CTIF: variants seen among roughly 807,000 people sequenced by gnomAD.
CTIF encodes the protein CBP80/20-dependent translation initiation factor.
In CTIF, 21 loss-of-function variants were observed where a neutral mutation model predicts 66.0. The observed-to-expected ratio is 0.32, with a 90% CI of 0.23 to 0.46. The LOEUF (loss-of-function observed/expected upper bound fraction) is 0.46. CTIF is among the 20% of genes least tolerant of loss of function. The probability of loss-of-function intolerance (pLI) is 1.00; values close to 1 mark genes in which losing one functional copy is unlikely to be tolerated. For synonymous variants in CTIF, 345 were observed against 326.4 expected (o/e 1.06, Z -0.62); for missense variants, 739 against 812.7 (o/e 0.91, Z 1.10).
chr18:48,815,182 G>A (rs1349672355), intron 9 of CTIF, among the ~76,000 whole-genome samples: 1 of 152,198 alleles, frequency 6.6e-6, no homozygotes. Context: ...CCTTTTTACT[G>A]CCTATATGTA....
chr18:48,711,274 C>T (rs750007683), intron 6 of CTIF, among the ~76,000 whole-genome samples: 1 of 152,172 alleles, frequency 6.6e-6, no homozygotes, highest in Non-Finnish European at 1.5e-5. Context: ...AGAACCTGGC[C>T]CCAGCTCTGT....
chr18:48,783,416 A>AG (rs754110669), intron 9 of CTIF, among the ~76,000 whole-genome samples: 23 of 152,062 alleles, frequency 1.5e-4, no homozygotes, highest in Admixed American at 6.5e-4. Flanking sequence ...AAAAAAAAAA[A>AG]TGCTTAGCAA....
chr18:48,814,015 CCT>C (rs544231785), intron 9 of CTIF, among the ~76,000 whole-genome samples: 29 of 152,158 alleles, frequency 1.9e-4, no homozygotes, highest in Non-Finnish European at 3.2e-4. Context: ...CAAGCTACCC[CCT>C]GTCTTTGGTC....
chr18:48,856,254 A>G (rs1286593696), intron 10 of CTIF, among the ~76,000 whole-genome samples: 4 of 152,234 alleles, frequency 2.6e-5, no homozygotes, highest in Non-Finnish European at 2.9e-5. Flanking sequence ...AAACTGGGAC[A>G]TAGCAAGCAT....
At chr18:48,634,186 A>G (rs1430260203) in intron 2 of CTIF, among the ~76,000 whole-genome samples, 1 of 152,076 alleles carries the variant, frequency 6.6e-6, no homozygotes, top group Non-Finnish European at 1.5e-5. Flanking sequence ...GATTATGTCG[A>G]GAGGGTGCAT....
At chr18:48,607,446 G>A (rs1416017874) in intron 1 of CTIF, among the ~76,000 whole-genome samples, 1 of 152,212 alleles carries the variant, frequency 6.6e-6, no homozygotes, top group Non-Finnish European at 1.5e-5. Flanking sequence ...ACCCATCTGT[G>A]CCCATCAGCA....
At chr18:48,672,902 G>A (rs1330432726) in intron 6 of CTIF, among the ~76,000 whole-genome samples, 4 of 152,124 alleles carry the variant, frequency 2.6e-5, no homozygotes, top group African/African-American at 9.7e-5. Context: ...CTGCCATCCT[G>A]TGGCCCTGTC....
At chr18:48,730,849 C>T (rs1400029706) in intron 7 of CTIF, among the ~76,000 whole-genome samples, 1 of 150,364 alleles carries the variant, frequency 6.7e-6, no homozygotes, top group Non-Finnish European at 1.5e-5. Context: ...GAGGGACCCC[C>T]GCAGCATGAG....
At chr18:48,774,618 C>A (rs559455833) in intron 9 of CTIF, among the ~76,000 whole-genome samples, 2 of 152,220 alleles carry the variant, frequency 1.3e-5, no homozygotes, top group African/African-American at 4.8e-5. Flanking sequence ...AATCGTCCCC[C>A]CTCCAGCACC....
chr18:48,749,754 A>T (rs961540539), intron 7 of CTIF, among the ~76,000 whole-genome samples: 7 of 152,216 alleles, frequency 4.6e-5, no homozygotes, highest in East Asian at 1.9e-4. Flanking sequence ...CACAGCTAAA[A>T]GTGTAGCGTC....
chr18:48,795,929 G>A (rs1398293039), intron 9 of CTIF, among the ~76,000 whole-genome samples: 1 of 152,180 alleles, frequency 6.6e-6, no homozygotes, highest in Admixed American at 6.5e-5. Flanking sequence ...TCTTTCCTGT[G>A]CTGGAAGTCA....
intron 10 of CTIF, among the ~76,000 whole-genome samples, chr18:48,848,765 G>T (rs2069134278): frequency 6.6e-6 from 1 of 152,188 alleles, no homozygotes; most frequent in African/African-American, 2.4e-5. Flanking sequence ...CTCCCACCAG[G>T]CTGCCTTTCT....
In CTIF at chr18:48,834,914, G is replaced by A. The variant is rs1428823823; in HGVS notation, c.1527+17538G>A. 3 of 152,688 alleles carry A rather than the reference G, an allele frequency of 2.0e-5. No individual in the cohort carries two copies. The South Asian group carries it at 6.2e-4, about 32-fold the overall frequency. 9.5% of individuals were successfully genotyped at this position (152,688 alleles called of 1,614,324 possible). On this transcript the variant is annotated intron_variant, in intron 10 of 11. Coordinates refer to ENST00000256413, the MANE Select transcript of CTIF (RefSeq NM_014772.3). Reference sequence around the variant, plus strand: ...AGCTGGCATGCGCTGAGCCTTCCTCGTGCTGTCAGTTCGCTCCCTTCTGAC... The same window carrying A: ...AGCTGGCATGCGCTGAGCCTTCCTCATGCTGTCAGTTCGCTCCCTTCTGAC...
At chr18:48,622,074 G>A (rs1395118075) in intron 2 of CTIF, among the ~76,000 whole-genome samples, 1 of 152,218 alleles carries the variant, frequency 6.6e-6, no homozygotes, top group African/African-American at 2.4e-5. Context: ...CCAGGGTGGA[G>A]GTTTCTCCAG....
chr18:48,795,833 C>T (rs978485181), intron 9 of CTIF, among the ~76,000 whole-genome samples: 19 of 152,144 alleles, frequency 1.2e-4, no homozygotes, highest in African/African-American at 4.3e-4. Flanking sequence ...TAGAAAACGG[C>T]TTTTTTTCCC....
intron 3 of CTIF, among the ~76,000 whole-genome samples, chr18:48,647,139 T>A (rs1425293284): frequency 6.6e-6 from 1 of 152,216 alleles, no homozygotes; most frequent in Admixed American, 6.5e-5. Flanking sequence ...TGCCTGATGA[T>A]GCAGCAGCCT....
intron 6 of CTIF, among the ~76,000 whole-genome samples, chr18:48,675,633 C>T (rs1006794728): frequency 1.3e-5 from 2 of 152,212 alleles, no homozygotes; most frequent in African/African-American, 2.4e-5. Flanking sequence ...GGCAGCCACA[C>T]TAAGGTGTAG....
rs144310677 is a variant in CTIF at position 48,750,927 on chromosome 18, C to T, written c.585-6992C>T. ...AGTGTGGTGGCTGAGGGCACACATT[C>T]GGGGCCAAACTATATAAGTTCAAAC... is the stretch of plus-strand genomic sequence containing the variant. On this transcript the variant is annotated intron_variant, in intron 7 of 11. Coordinates refer to ENST00000256413, the MANE Select transcript of CTIF (RefSeq NM_014772.3). 3.7e-3 allele frequency among the ~76,000 whole-genome samples: 567 copies of T among 152,324 alleles called. 5 individuals are homozygous for T. The highest frequency in any genetic ancestry group is 0.012 in the African/African-American group (506 of 41,566).
intron 9 of CTIF, among the ~76,000 whole-genome samples, chr18:48,778,995 A>G (rs915515394): frequency 2.0e-5 from 3 of 152,134 alleles, no homozygotes; most frequent in African/African-American, 7.2e-5. Context: ...TAAGTTTAAT[A>G]CTTCGTAGCT....
Sources: gnomAD v4.1 joint callset for allele counts (sites outside exome capture counted in the v4.1 genomes callset) on GRCh38, gnomAD v4.1.1 for gene constraint, MANE v1.5 for transcripts, NCBI Gene and HGNC (gene_info 2026-07-23, HGNC 2026-07-21) for gene names.